The following SIPA1 variants were observed in gnomAD, a reference collection of about 807,000 sequenced individuals.
SIPA1 encodes the protein signal-induced proliferation-associated protein 1.
In SIPA1, 51 loss-of-function variants were observed where a neutral mutation model predicts 88.1. The observed-to-expected ratio is 0.58, with a 90% CI of 0.46 to 0.73. SIPA1 has a LOEUF of 0.73. Among genes scored for constraint, SIPA1 ranks in the 30% least tolerant of loss-of-function variants. The pLI, the probability that SIPA1 is intolerant of heterozygous loss-of-function variation, is 0.00. For synonymous variants in SIPA1, 681 were observed against 664.8 expected, an observed-to-expected ratio of 1.02 and a Z score of -0.37; for missense variants, 1,348 against 1,467.6, an observed-to-expected ratio of 0.92 and a Z score of 1.33.
intron 9 of SIPA1, 80 bp downstream of exon 9, chr11:65,647,738 A>C (rs980490186): frequency 1.2e-5 from 14 of 1,156,260 alleles, no homozygotes; most frequent in Non-Finnish European, 1.5e-5. Flanking sequence ...GGTCGCCATC[A>C]GCAGTTTCAG....
In SIPA1 at chr11:65,646,517, G is replaced by A. The variant is rs779747971; in HGVS notation, c.1483G>A (p.Gly495Ser). The A allele has an allele frequency of 6.4e-7, 1 of 1,572,084 alleles. No individual in the cohort carries two copies. Among genetic ancestry groups the A allele is most frequent in the Non-Finnish European group, 8.6e-7 (1 of 1,165,876 alleles). ...AFGPALPAGG[G>S]PFAANADFRA... ...CGGGCCAGCTCTGCCTGCTGGCGGAGGCCCCTTCGCAGCCAACGCCGACTT... is the reference window on the plus strand; with the variant it reads ...CGGGCCAGCTCTGCCTGCTGGCGGAAGCCCCTTCGCAGCCAACGCCGACTT... Residue 495 changes from glycine (G) to serine (S), a missense_variant, in exon 8 of 16, where the codon GGC becomes AGC. Gly to Ser is a moderately conservative substitution (Grantham distance 56, BLOSUM62 0). Transcript: ENST00000534313. The surrounding 1 kb of genome is among the most constrained non-coding windows in gnomAD (Gnocchi z 7.5).
At position 65,647,506 on chromosome 11, in the gene SIPA1, G is replaced by T. The variant is rs755231364; in HGVS notation, c.2154G>T (p.Glu718Asp). Residue 718 changes from glutamate (E) to aspartate (D), a missense_variant, in exon 9 of 16, where the codon GAG (glutamate) becomes GAT (aspartate). Around this residue, in one of 4 missense-constraint regions of SIPA1, gnomAD observed 615 missense variants for 559.8 expected, o/e 1.10. Transcript: ENST00000534313. The stretch of plus-strand genomic sequence containing the variant: ...ACGTGGAGCGCTTCACATTCGCCGA[G>T]ACGGCGGGGCTGCGGCCCGGGGCGC... ...VTHVERFTFAETAGLRPGARL... is the reference protein window; with the variant it reads ...VTHVERFTFADTAGLRPGARL... 5 of 1,410,500 alleles carry T rather than the reference G, an allele frequency of 3.5e-6. No individual in the cohort carries two copies. The highest frequency in any genetic ancestry group is 2.8e-6 in the Non-Finnish European group (3 of 1,087,278). The allele number at this position is 1,410,500 out of a possible 1,614,324, so 87.4% of individuals were successfully genotyped here. A position where few individuals can be genotyped will look rare whatever the true frequency, so the allele number is the denominator to read the frequency against.
At position 65,642,149 on chromosome 11, in the gene SIPA1, T is replaced by G; in HGVS notation, c.680-101T>G. The G allele has an allele frequency of 1.0e-5, 15 of 1,449,320 alleles. No individual in the cohort carries two copies. The highest frequency in any genetic ancestry group is 1.5e-5 in the African/African-American group (1 of 68,920). 89.8% of individuals were successfully genotyped at this position (1,449,320 alleles called of 1,614,324 possible). On this transcript the variant is annotated intron_variant, in intron 2 of 15. Transcript: ENST00000534313. The surrounding 1 kb of genome is among the most constrained non-coding windows in gnomAD (Gnocchi z 6.5). ...TTAGTCTAGGGTCAACATTTGGTGGTGAGATGAAGCCTAGGGCGGGGCTTA... is the reference window on the plus strand; with the variant it reads ...TTAGTCTAGGGTCAACATTTGGTGGGGAGATGAAGCCTAGGGCGGGGCTTA...
chr11:65,649,402 G>A lies in SIPA1; in HGVS notation c.2447G>A (p.Gly816Asp). The A allele has an allele frequency of 6.3e-7, 1 of 1,585,978 alleles. No individual in the cohort carries two copies. The change falls in exon 10 of 16, where the codon GGC (glycine) becomes GAC (aspartate). Residue 816 changes from glycine to aspartate, a missense_variant. Gly to Asp is a moderately conservative substitution (Grantham distance 94). This residue lies in a region of SIPA1 where 615 missense variants were observed against 559.8 expected (regional missense o/e 1.10). Transcript: ENST00000534313. ...QLLHLCLQDG[G>D]SPPGPGDLAE... ...CTGCACCTGTGCCTGCAAGATGGTG[G>A]CAGTCCTCCAGGGCCTGGGGATCTG... is the stretch of plus-strand genomic sequence containing the variant.
intron 8 of SIPA1, 122 bp downstream of exon 8, chr11:65,647,187 C>T: frequency 7.1e-7 from 1 of 1,412,642 alleles, no homozygotes; most frequent in Non-Finnish European, 9.2e-7. Flanking sequence ...AGGGCAGAGC[C>T]AGCCCCGGGG....
chr11:65,646,163 G>T lies in SIPA1; in HGVS notation c.1264-58G>T. The stretch of plus-strand genomic sequence containing the variant: ...TGCCTTGGCTTTCTCCTGCCTGAAT[G>T]AGGAGGGGTTTGGGGCACAGAAGAC... On this transcript the variant is annotated intron_variant, in intron 6 of 15. Coordinates refer to ENST00000534313, the MANE Select transcript of SIPA1 (RefSeq NM_006747.4). The surrounding 1 kb of genome is among the most constrained non-coding windows in gnomAD (Gnocchi z 7.5). The T allele has an allele frequency of 6.3e-7, 1 of 1,586,162 alleles. No homozygotes were observed. Among genetic ancestry groups the T allele is most frequent in the South Asian group, 1.1e-5 (1 of 89,400 alleles).
chr11:65,647,375 C>G lies in SIPA1; in HGVS notation c.2032-9C>G, dbSNP rs1311089216. 1.4e-6 allele frequency: 2 copies of G among 1,418,692 alleles called. No individual in the cohort carries two copies. Among genetic ancestry groups the G allele is most frequent in the Non-Finnish European group, 9.1e-7 (1 of 1,095,536 alleles). The allele number at this position is 1,418,692 out of a possible 1,614,324, so 87.9% of individuals were successfully genotyped here. On this transcript the variant is annotated splice_polypyrimidine_tract_variant and intron_variant, in intron 8 of 15. Coordinates refer to ENST00000534313, the MANE Select transcript of SIPA1 (RefSeq NM_006747.4). The stretch of plus-strand genomic sequence containing the variant: ...GCAGCCCCGCCCACTCGTCCCGCCC[C>G]GTCCGCAGCTGGTGAGCCGTGGCTG...
chr11:65,647,859 C>T (rs1383280209), intron 9 of SIPA1, among the ~76,000 whole-genome samples: 1 of 151,504 alleles, frequency 6.6e-6, no homozygotes, highest in African/African-American at 2.4e-5. Flanking sequence ...CTTCCTTCCT[C>T]TCTCTCTCCT....
At position 65,646,994 on chromosome 11, in the gene SIPA1, G is replaced by C; in HGVS notation, c.1960G>C (p.Gly654Arg). Residue 654 changes from glycine to arginine, a missense_variant, in exon 8 of 16, where the codon GGG (glycine) becomes CGG (arginine). Around this residue, in one of 4 missense-constraint regions of SIPA1, gnomAD observed 615 missense variants for 559.8 expected, o/e 1.10. Transcript: ENST00000534313. The surrounding 1 kb of genome is among the most constrained non-coding windows in gnomAD (Gnocchi z 7.5). ...EQQLDLYHGRGEAITLRFDGS... is the reference protein window; with the variant it reads ...EQQLDLYHGRREAITLRFDGS... ...GCAGCTGGACCTGTACCACGGCCGC[G>C]GGGAGGCGATCACGCTGCGCTTCGA... 2 of 1,540,370 alleles carry C rather than the reference G, an allele frequency of 1.3e-6. No individual in the cohort carries two copies. Among genetic ancestry groups the C allele is most frequent in the Non-Finnish European group, 1.7e-6 (2 of 1,148,748 alleles).
At position 65,646,590 on chromosome 11, in the gene SIPA1, G is replaced by T. The variant is rs1301157748; in HGVS notation, c.1556G>T (p.Gly519Val). The change falls in exon 8 of 16, where the codon GGC (glycine) becomes GTC (valine). Residue 519 changes from glycine (G) to valine (V), a missense_variant. This residue lies in a region of SIPA1 where 641 missense variants were observed against 797.7 expected (regional missense o/e 0.80). Transcript: ENST00000534313. This position sits in a 1 kb window ranked among gnomAD's most constrained non-coding sequence, Gnocchi z 7.5. Reference sequence around the variant, plus strand: ...GCGCTGAATGGTGAGCAGGCGGCCGGCCACGCGCGCCAGTTCCACGCCATG... The same window carrying T: ...GCGCTGAATGGTGAGCAGGCGGCCGTCCACGCGCGCCAGTTCCACGCCATG... The part of the protein sequence containing the change: ...AKALNGEQAA[G>V]HARQFHAMAT... 2.6e-6 allele frequency: 4 copies of T among 1,544,200 alleles called. No individual in the cohort carries two copies. The South Asian group carries it at 4.7e-5, about 18-fold the overall frequency.
In SIPA1 at chr11:65,642,625, C is replaced by T. The variant is rs1370759155; in HGVS notation, c.970C>T (p.Leu324=). Residue 324 remains leucine, a synonymous_variant, in exon 4 of 16, where the codon CTG becomes TTG. Transcript: ENST00000534313. The surrounding 1 kb of genome is among the most constrained non-coding windows in gnomAD (Gnocchi z 6.5). The stretch of plus-strand genomic sequence containing the variant: ...CAAGGTACCACGGACGCTGCTCACA[C>T]TGGATGAGCAAGTGGTGAGTGGCGG... The part of the protein sequence containing the change: ...SPKVPRTLLT[L]DEQVLSFQRK... 1 of 1,570,782 alleles carries T rather than the reference C, an allele frequency of 6.4e-7. No homozygotes were observed. Among genetic ancestry groups the T allele is most frequent in the South Asian group, 1.1e-5 (1 of 88,652 alleles).
At chr11:65,650,078 G>A in intron 13 of SIPA1, 27 bp downstream of exon 13, 1 of 1,612,262 alleles carries the variant, frequency 6.2e-7, no homozygotes, top group South Asian at 1.1e-5. Context: ...GCTGCGGTAA[G>A]CCTGGGCAGT....
chr11:65,641,512 G>T lies in SIPA1; in HGVS notation c.591G>T (p.Leu197=). The part of the protein sequence containing the change: ...PALPNAAVSI[L]EEPQNRTSAY... ...TGCCCAACGCGGCCGTGTCCATCCT[G>T]GAGGAGCCACAGAACCGAACCTCGG... is the stretch of plus-strand genomic sequence containing the variant. Residue 197 remains leucine (L), a synonymous_variant, in exon 2 of 16, where the codon CTG becomes CTT. Transcript: ENST00000534313. 3.1e-6 allele frequency: 5 copies of T among 1,612,340 alleles called. No individual in the cohort carries two copies. Among genetic ancestry groups the T allele is most frequent in the Non-Finnish European group, 4.2e-6 (5 of 1,180,002 alleles).
intron 5 of SIPA1, among the ~76,000 whole-genome samples, 200 bp downstream of exon 5, chr11:65,645,329 G>A (rs1057422122): frequency 1.1e-4 from 17 of 152,140 alleles, no homozygotes; most frequent in African/African-American, 4.1e-4. Flanking sequence ...CAAGGCCCAA[G>A]TACCCTACTG....
intron 5 of SIPA1, among the ~76,000 whole-genome samples, chr11:65,645,503 C>G (rs12420618): frequency 0.19 from 29,232 of 151,980 alleles, 3,491 homozygotes; most frequent in East Asian, 0.37. Context: ...TTTCACTTTC[C>G]CAGCATGCCA....
chr11:65,645,191 C>A (rs1856085744), intron 5 of SIPA1, 62 bp downstream of exon 5: 1 of 1,470,154 alleles, frequency 6.8e-7, no homozygotes, highest in South Asian at 1.2e-5. Context: ...GCACAAATTG[C>A]CTTGTCACTC....
In SIPA1 at chr11:65,646,965, A is replaced by G; in HGVS notation, c.1931A>G (p.Glu644Gly). 1 of 1,539,894 alleles carries G rather than the reference A, an allele frequency of 6.5e-7. No homozygotes were observed. Among genetic ancestry groups the G allele is most frequent in the Non-Finnish European group, 8.7e-7 (1 of 1,148,584 alleles). Reference protein sequence around the residue: ...CRDVLAWTFSEQQLDLYHGRG... With the variant: ...CRDVLAWTFSGQQLDLYHGRG... ...GACGTGCTGGCCTGGACCTTCTCCG[A>G]GCAGCAGCTGGACCTGTACCACGGC... Residue 644 changes from glutamate to glycine, a missense_variant, in exon 8 of 16, where the codon GAG (glutamate) becomes GGG (glycine). Glu to Gly is a moderately conservative substitution (Grantham distance 98). This residue lies in a region of SIPA1 where 615 missense variants were observed against 559.8 expected (regional missense o/e 1.10). Coordinates refer to ENST00000534313, the MANE Select transcript of SIPA1 (RefSeq NM_006747.4). The surrounding 1 kb of genome is among the most constrained non-coding windows in gnomAD (Gnocchi z 7.5).
chr11:65,641,040 C>A lies in SIPA1; in HGVS notation c.119C>A (p.Thr40Asn), dbSNP rs1330815976. The stretch of plus-strand genomic sequence containing the variant: ...GCAAGGCCCCCGCTGACACCGCACA[C>A]CTTCGAGCCGAGGCCAGTCCGGGGC... ...QPARPPLTPH[T>N]FEPRPVRGPL... Residue 40 changes from threonine to asparagine, a missense_variant, in exon 2 of 16, where the codon ACC becomes AAC. Coordinates refer to ENST00000534313, the MANE Select transcript of SIPA1 (RefSeq NM_006747.4). 6.3e-7 allele frequency: 1 copy of A among 1,593,174 alleles called. No homozygotes were observed. The highest frequency in any genetic ancestry group is 2.3e-5 in the East Asian group (1 of 44,398).
intron 8 of SIPA1, 159 bp downstream of exon 8, chr11:65,647,224 C>T: frequency 7.2e-7 from 1 of 1,391,172 alleles, no homozygotes; most frequent in Non-Finnish European, 9.3e-7. Flanking sequence ...CTGGTGCCCT[C>T]GGGTAAGCGA....
Sources: gnomAD v4.1 joint callset for allele counts (sites outside exome capture counted in the v4.1 genomes callset) on GRCh38, gnomAD v4.1.1 for gene constraint, gnomAD v4.1.1 regional missense constraint, Gnocchi (gnomAD v3.1) non-coding constraint, MANE v1.5 for transcripts, NCBI Gene and HGNC (gene_info 2026-07-23, HGNC 2026-07-21) for gene names.